FANCA: variants seen among roughly 807,000 people sequenced by gnomAD.
The protein encoded by FANCA is Fanconi anemia group A protein.
FANCA carries 236 observed loss-of-function variants against 194.3 expected under a neutral mutation model. That is an observed-to-expected ratio of 1.21 (90% confidence interval 1.09 to 1.35). The LOEUF (loss-of-function observed/expected upper bound fraction) is 1.35, where lower values mean the gene tolerates loss of function less well. Among genes scored for constraint, FANCA ranks in the 40% most tolerant of loss-of-function variants. The probability of loss-of-function intolerance (pLI) is 0.00; values close to 1 mark genes in which losing one functional copy is unlikely to be tolerated. For synonymous variants in FANCA, 1,014 were observed against 715.8 expected (o/e 1.42, Z -6.65); for missense variants, 2,628 against 1,813.9 (o/e 1.45, Z -8.15).
chr16:89,805,189 G>C (rs569562860), intron 7 of FANCA, 91 bp downstream of exon 7: 1 of 979,376 alleles, frequency 1.0e-6, no homozygotes, highest in South Asian at 1.4e-5. Context: ...GAGACAGGCT[G>C]TTCTGCCTCG....
intron 14 of FANCA, chr16:89,791,024 T>C (rs1036131711): frequency 4.8e-5 from 2 of 41,782 alleles, no homozygotes; most frequent in Non-Finnish European, 1.0e-4. Context: ...TGTGTGTGTG[T>C]TTTTTTTTTT....
rs755225025 is a variant in FANCA, at chr16:89,815,859, A to T, written c.189+18T>A. On this transcript the variant is annotated intron_variant, in intron 2 of 42. Transcript: ENST00000389301. The stretch of plus-strand genomic sequence containing the variant: ...CGAACCTAAATCTGCCCGCAGACGG[A>T]CACCAGCTTCCTCTTACCTCAAGCA... 1.3e-6 allele frequency: 2 copies of T among 1,583,464 alleles called. No individual in the cohort carries two copies.
intron 5 of FANCA, 33 bp from the exon 6 acceptor site, chr16:89,808,400 A>C (rs1288496826): frequency 1.4e-5 from 23 of 1,606,702 alleles, no homozygotes; most frequent in Non-Finnish European, 1.9e-5. Flanking sequence ...CAAAAACAAA[A>C]ACAAAAAAAC....
rs1047698116 is a variant in FANCA, at chr16:89,775,594, T to C, written c.1900+148A>G. ...CCACAGCTGGCACTGGGCGTCAGCA[T>C]GGTGGGCGGACCCTGTACCCAAAGC... On this transcript the variant is annotated intron_variant, in intron 21 of 42. Transcript: ENST00000389301. 3.7e-5 allele frequency: 25 copies of C among 681,280 alleles called. No homozygotes were observed. In the East Asian group the frequency reaches 4.6e-4, roughly 12 times the overall value. 42.2% of individuals were successfully genotyped at this position (681,280 alleles called of 1,614,324 possible).
At chr16:89,786,609 A>G (rs12709094) in intron 14 of FANCA, among the ~76,000 whole-genome samples, 82,236 of 152,116 alleles carry the variant, frequency 0.54, 24,839 homozygotes, top group East Asian at 0.98. Context: ...GAACTATCAC[A>G]CCTGACCATG....
intron 29 of FANCA, among the ~76,000 whole-genome samples, chr16:89,761,390 G>C (rs377055545): frequency 7.0e-6 from 1 of 142,314 alleles, no homozygotes; most frequent in African/African-American, 2.6e-5. Context: ...CTGCATTCCA[G>C]CCTGGGTGAC....
chr16:89,778,258 G>C (rs545705102), intron 20 of FANCA: 1 of 212,330 alleles, frequency 4.7e-6, no homozygotes, highest in East Asian at 1.7e-4. Flanking sequence ...CTGAGCTCAG[G>C]AGTTTGAGAA....
rs1401723593 is a variant in FANCA at position 89,749,816 on chromosome 16, A to G, written c.3153T>C (p.Ile1051=). The G allele has an allele frequency of 1.9e-6, 3 of 1,614,108 alleles. No homozygotes were observed. Among genetic ancestry groups the G allele is most frequent in the Non-Finnish European group, 2.5e-6 (3 of 1,180,042 alleles). ...TPSQEHFLFE[I]FRRRLQALTS... ...TCAGAGCCTGGAGCCGTCTGCGGAA[A>G]ATCTCAAAGAGGAAGTGCTCCTGGG... Residue 1051 remains isoleucine, a synonymous_variant, in exon 32 of 43, where the codon ATT becomes ATC. Transcript: ENST00000389301.
chr16:89,738,430 G>A lies in FANCA; in HGVS notation c.*171C>T, dbSNP rs1276356562. The A allele has an allele frequency of 1.3e-5, 18 of 1,374,168 alleles. No individual in the cohort carries two copies. The highest frequency in any genetic ancestry group is 7.5e-5 in the East Asian group (3 of 39,974). 85.1% of individuals were successfully genotyped at this position (1,374,168 alleles called of 1,614,324 possible). A position where few individuals can be genotyped will look rare whatever the true frequency, so the allele number is the denominator to read the frequency against. ...TCTGGGACCAGTGGTTTATTTTCCC[G>A]CAAACGCTGAGTGACTCGGGGCCGG... On this transcript the variant is annotated 3_prime_UTR_variant, in exon 43 of 43. Transcript: ENST00000389301.
chr16:89,808,290 C>G lies in FANCA; in HGVS notation c.596+4G>C. Reference sequence around the variant, plus strand: ...GTAACACTGAATCATCATTAGCACGCTACCTTTCCAGCAGCTCTTGCAGGC... The same window carrying G: ...GTAACACTGAATCATCATTAGCACGGTACCTTTCCAGCAGCTCTTGCAGGC... On this transcript the variant is annotated splice_donor_region_variant and intron_variant, in intron 6 of 42. Transcript: ENST00000389301. 2.5e-6 allele frequency: 4 copies of G among 1,613,802 alleles called. No individual in the cohort carries two copies. The highest frequency in any genetic ancestry group is 3.4e-6 in the Non-Finnish European group (4 of 1,179,716).
intron 31 of FANCA, 117 bp downstream of exon 31, chr16:89,752,021 C>A: frequency 1.2e-6 from 1 of 859,174 alleles, no homozygotes; most frequent in Non-Finnish European, 2.0e-6. Context: ...CCGCCTGCCT[C>A]GGCCTCCCAA....
At chr16:89,769,103 G>A (rs1841574003) in intron 26 of FANCA, among the ~76,000 whole-genome samples, 1 of 152,192 alleles carries the variant, frequency 6.6e-6, no homozygotes, top group Admixed American at 6.6e-5. Context: ...CCTCTTCTAA[G>A]TTCTCTGTTA....
chr16:89,789,878 G>C (rs2040011420), intron 14 of FANCA, among the ~76,000 whole-genome samples: 1 of 152,076 alleles, frequency 6.6e-6, no homozygotes, highest in Non-Finnish European at 1.5e-5. Flanking sequence ...GTTTTCACAG[G>C]GGTTGCCCAG....
At position 89,745,054 on chromosome 16, in the gene FANCA, C is replaced by T. The variant is rs886052482; in HGVS notation, c.3531G>A (p.Leu1177=). The T allele has an allele frequency of 6.2e-7, 1 of 1,606,878 alleles. No homozygotes were observed. The highest frequency in any genetic ancestry group is 8.5e-7 in the Non-Finnish European group (1 of 1,179,102). ...LTSALVWWPS[L]EPVLLCRWRR... The stretch of plus-strand genomic sequence containing the variant: ...TCCACCGGCAGAGCAGCACAGGCTC[C>T]AGGCTCGGCCACCACACCTATGGAG... The change falls in exon 36 of 43, where the codon CTG becomes CTA. Residue 1177 remains leucine (L), a synonymous_variant. Transcript: ENST00000389301.
At chr16:89,743,700 G>A (rs908815262) in intron 36 of FANCA, among the ~76,000 whole-genome samples, 2 of 152,132 alleles carry the variant, frequency 1.3e-5, no homozygotes, top group African/African-American at 2.4e-5. Flanking sequence ...GCTCACGCCT[G>A]TAATCCCAGC....
At chr16:89,758,938 C>T (rs1175056404) in intron 29 of FANCA, among the ~76,000 whole-genome samples, 7 of 152,020 alleles carry the variant, frequency 4.6e-5, no homozygotes, top group Admixed American at 1.3e-4. Context: ...CCACCTTCCA[C>T]GGATCAAAGG....
In FANCA at chr16:89,748,585, G is replaced by A. The variant is rs1431614578; in HGVS notation, c.3348+74C>T. 2.7e-6 allele frequency: 3 copies of A among 1,129,224 alleles called. No individual in the cohort carries two copies. The African/African-American group carries it at 4.6e-5, about 17-fold the overall frequency. The allele number at this position is 1,129,224 out of a possible 1,614,324, so 70.0% of individuals were successfully genotyped here. A position where few individuals can be genotyped will look rare whatever the true frequency, so the allele number is the denominator to read the frequency against. On this transcript the variant is annotated intron_variant, in intron 33 of 42. Transcript: ENST00000389301. The stretch of plus-strand genomic sequence containing the variant: ...TAATTCACACGGTCAGTACACGCAT[G>A]GAGGCTGCAAGAGCTGCTGTTAGCG...
Position 89,795,866 on chromosome 16 carries a change from A to C in FANCA, c.1006+40T>G, listed in dbSNP as rs372864878. The C allele has an allele frequency of 3.3e-6, 5 of 1,493,932 alleles. No individual in the cohort carries two copies. The African/African-American group carries it at 6.9e-5, about 21-fold the overall frequency. The allele number at this position is 1,493,932 out of a possible 1,614,324, so 92.5% of individuals were successfully genotyped here. On this transcript the variant is annotated intron_variant, in intron 11 of 42. Coordinates refer to ENST00000389301, the MANE Select transcript of FANCA (RefSeq NM_000135.4). ...AGGCAACAAGGCAACAGCAATCCCC[A>C]AAATGGGTAGCAACTGAGCAGCCTC...
At position 89,814,900 on chromosome 16, in the gene FANCA, C is replaced by T. The variant is rs78690507; in HGVS notation, c.190-287G>A. Reference sequence around the variant, plus strand: ...AGGCTGCAGTGAGCCGAGATCACCCCACTGCATACCAGCCCAGGCTACAGT... The same window carrying T: ...AGGCTGCAGTGAGCCGAGATCACCCTACTGCATACCAGCCCAGGCTACAGT... On this transcript the variant is annotated intron_variant, in intron 2 of 42. Transcript: ENST00000389301. Among the ~76,000 whole-genome samples, 839 of 152,000 alleles carry T rather than the reference C, an allele frequency of 5.5e-3. 6 individuals carry two copies. The highest frequency in any genetic ancestry group is 0.02 in the African/African-American group (811 of 41,444).
Sources: allele counts gnomAD v4.1 joint callset (sites outside exome capture counted in the v4.1 genomes callset), GRCh38; gene constraint gnomAD v4.1.1; transcripts MANE v1.5; gene names NCBI Gene and HGNC (gene_info 2026-07-23, HGNC 2026-07-21).